Variants in ST7 observed in about 807,000 individuals in gnomAD.
ST7 encodes the protein suppression of tumorigenicity 7, also known as suppressor of tumorigenicity 7 protein.
Under a neutral mutation model 78.7 loss-of-function variants are expected in ST7, and 28 were observed. The ratio of observed to expected loss-of-function variants is 0.36; its 90% CI spans 0.26 to 0.49. The LOEUF (loss-of-function observed/expected upper bound fraction) is 0.49. Among genes scored for constraint, ST7 ranks in the 20% least tolerant of loss-of-function variants. ST7 has a pLI of 0.99. For synonymous variants in ST7, 247 were observed against 249.6 expected (o/e 0.99, Z 0.10); for missense variants, 418 against 696.0 (o/e 0.60, Z 4.49).
At chr7:117,108,863 T>A (rs1381643959) in intron 2 of ST7, among the ~76,000 whole-genome samples, 2 of 152,212 alleles carry the variant, frequency 1.3e-5, no homozygotes, top group Non-Finnish European at 2.9e-5. Flanking sequence ...TTACAGCTAC[T>A]GTAAAAGTGG....
chr7:116,975,000 AT>A (rs1043537167), intron 1 of ST7, among the ~76,000 whole-genome samples: 1 of 151,952 alleles, frequency 6.6e-6, no homozygotes. Flanking sequence ...TATTTTATGT[AT>A]TTTTTTCATA....
intron 9 of ST7, among the ~76,000 whole-genome samples, chr7:117,165,301 A>C (rs965467079): frequency 6.6e-6 from 1 of 152,094 alleles, no homozygotes; most frequent in African/African-American, 2.4e-5. Context: ...CTCTGTATAT[A>C]AATAGTTCTG....
chr7:117,095,357 A>G (rs1008555343), intron 1 of ST7, among the ~76,000 whole-genome samples: 4 of 152,138 alleles, frequency 2.6e-5, no homozygotes, highest in African/African-American at 9.7e-5. Context: ...CCACAGTTCA[A>G]CCTGCTGTAT....
chr7:116,958,622 G>A (rs1792654180), intron 1 of ST7: 2 of 471,290 alleles, frequency 4.2e-6, no homozygotes, highest in Non-Finnish European at 8.8e-6. Context: ...GATCCTTTCA[G>A]CTGCAGAAAA....
At chr7:117,147,754 T>G (rs1321026886) in intron 9 of ST7, among the ~76,000 whole-genome samples, 1 of 152,156 alleles carries the variant, frequency 6.6e-6, no homozygotes, top group Admixed American at 6.6e-5. Flanking sequence ...CTTCTCCCCC[T>G]CTATCCTCTG....
intron 1 of ST7, among the ~76,000 whole-genome samples, chr7:116,997,131 G>T (rs200675339): frequency 1.3e-5 from 2 of 152,102 alleles, no homozygotes; most frequent in Non-Finnish European, 1.5e-5. Flanking sequence ...TCATGGTCTC[G>T]CTGGCTCAGG....
intron 1 of ST7, among the ~76,000 whole-genome samples, chr7:116,983,782 A>G (rs1794071536): frequency 6.6e-6 from 1 of 152,116 alleles, no homozygotes; most frequent in Non-Finnish European, 1.5e-5. Flanking sequence ...AGGAAGGGGA[A>G]GACAAAGAGG....
chr7:117,004,567 C>T (rs1384471849), intron 1 of ST7, among the ~76,000 whole-genome samples: 1 of 151,930 alleles, frequency 6.6e-6, no homozygotes. Context: ...AGGCTGAGAC[C>T]AGAGAATTGC....
chr7:117,045,444 T>C (rs1584512857), intron 1 of ST7, among the ~76,000 whole-genome samples: 1 of 152,232 alleles, frequency 6.6e-6, no homozygotes, highest in Middle Eastern at 3.4e-3. Flanking sequence ...TGGTCCCTCT[T>C]TCCGGAATGT....
At chr7:117,158,651 A>G (rs1015964701) in intron 9 of ST7, among the ~76,000 whole-genome samples, 7 of 152,148 alleles carry the variant, frequency 4.6e-5, no homozygotes, top group East Asian at 1.9e-4. Context: ...GACATTTTCT[A>G]CTAGTGTATG....
chr7:117,144,777 T>C (rs899776949), intron 9 of ST7, among the ~76,000 whole-genome samples: 5 of 152,344 alleles, frequency 3.3e-5, no homozygotes, highest in African/African-American at 1.2e-4. Context: ...ATTATAGCTG[T>C]CTATTTTTTG....
At chr7:117,013,879 T>C (rs1284308092) in intron 1 of ST7, among the ~76,000 whole-genome samples, 1 of 152,166 alleles carries the variant, frequency 6.6e-6, no homozygotes, top group Non-Finnish European at 1.5e-5. Context: ...ATTGGAGAGA[T>C]CTGTTAAGTG....
intron 3 of ST7, among the ~76,000 whole-genome samples, chr7:117,123,051 TC>T (rs1157471850): frequency 6.6e-6 from 1 of 152,132 alleles, no homozygotes; most frequent in Non-Finnish European, 1.5e-5. Flanking sequence ...GAAGGGTGAA[TC>T]TATTGATTTT....
intron 1 of ST7, among the ~76,000 whole-genome samples, chr7:117,065,579 A>G (rs1294501383): frequency 2.0e-5 from 3 of 152,180 alleles, no homozygotes; most frequent in African/African-American, 4.8e-5. Flanking sequence ...CAGGCTGCAT[A>G]TATAGAGCAG....
intron 1 of ST7, among the ~76,000 whole-genome samples, chr7:117,026,006 A>G (rs1796165201): frequency 6.6e-6 from 1 of 152,200 alleles, no homozygotes; most frequent in South Asian, 2.1e-4. Flanking sequence ...CAGAAAAAAA[A>G]TTACATGTGA....
intron 1 of ST7, among the ~76,000 whole-genome samples, chr7:117,008,229 A>C (rs1372748646): frequency 6.6e-6 from 1 of 152,196 alleles, no homozygotes; most frequent in Non-Finnish European, 1.5e-5. Flanking sequence ...AAAAAACCTC[A>C]GAAATAATTT....
chr7:117,109,673 C>T (rs182567369), intron 2 of ST7, among the ~76,000 whole-genome samples: 9 of 152,256 alleles, frequency 5.9e-5, no homozygotes, highest in Admixed American at 5.2e-4. Context: ...AAGAAGGAAT[C>T]CTCCCTAAAT....
At chr7:117,176,542 A>T (rs1808354412) in intron 10 of ST7, among the ~76,000 whole-genome samples, 1 of 152,226 alleles carries the variant, frequency 6.6e-6, no homozygotes, top group Non-Finnish European at 1.5e-5. Context: ...AGTTATAACT[A>T]AAAATTTCGT....
At chr7:117,173,742 T>G (rs1023461313) in intron 10 of ST7, among the ~76,000 whole-genome samples, 1 of 152,172 alleles carries the variant, frequency 6.6e-6, no homozygotes, top group African/African-American at 2.4e-5. Flanking sequence ...TTTTACTAAT[T>G]GGAATGCTCT....
Sources: gnomAD v4.1 joint callset for allele counts (sites outside exome capture counted in the v4.1 genomes callset) on GRCh38, gnomAD v4.1.1 for gene constraint, MANE v1.5 for transcripts, NCBI Gene and HGNC (gene_info 2026-07-23, HGNC 2026-07-21) for gene names.